The following NKTR variants were observed in gnomAD, a reference collection of about 807,000 sequenced individuals.
The protein encoded by NKTR is NK-tumor recognition protein.
Under a neutral mutation model 156.3 loss-of-function variants are expected in NKTR, and 67 were observed. That is an observed-to-expected ratio of 0.43 (90% CI 0.35 to 0.53). The LOEUF (loss-of-function observed/expected upper bound fraction) is 0.53. Ranked by LOEUF, NKTR falls within the 20% of genes least tolerant of loss-of-function variation. The probability of loss-of-function intolerance (pLI) is 0.01; values close to 1 mark genes in which losing one functional copy is unlikely to be tolerated. For synonymous variants in NKTR, 640 were observed against 596.6 expected, an observed-to-expected ratio of 1.07 and a Z score of -1.06; for missense variants, 1,604 against 1,730.9, an observed-to-expected ratio of 0.93 and a Z score of 1.30.
In NKTR at chr3:42,637,506, T is replaced by C. The variant is rs781548263; in HGVS notation, c.1802T>C (p.Val601Ala). ...GAAAATGTAGTAGTACAACCAGTTG[T>C]AGCAGAAAATATTCCTGTAATACCA... ...QNENVVVQPV[V>A]AENIPVIPLS... The change falls in exon 13 of 17, where the codon GTA (valine) becomes GCA (alanine). Residue 601 changes from valine (V) to alanine (A), a missense_variant. Around this residue, in one of 6 missense-constraint regions of NKTR, gnomAD observed 1,255 missense variants for 1,243.7 expected, o/e 1.01. Coordinates refer to ENST00000232978, the MANE Select transcript of NKTR (RefSeq NM_005385.4). 65 of 1,613,930 alleles carry C rather than the reference T, an allele frequency of 4.0e-5. No individual in the cohort carries two copies. The highest frequency in any genetic ancestry group is 5.3e-5 in the Non-Finnish European group (62 of 1,180,024).
chr3:42,610,400 G>A (rs1706671570), intron 2 of NKTR, among the ~76,000 whole-genome samples: 1 of 152,138 alleles, frequency 6.6e-6, no homozygotes, highest in Admixed American at 6.5e-5. Flanking sequence ...TAATGCTACA[G>A]GAGTGTTTCA....
intron 5 of NKTR, chr3:42,620,404 C>T (rs1577480262): frequency 9.9e-7 from 1 of 1,014,898 alleles, no homozygotes; most frequent in Non-Finnish European, 1.2e-6. Flanking sequence ...CTAACTATTG[C>T]ACTTGCCCCA....
chr3:42,638,444 G>C lies in NKTR; in HGVS notation c.2740G>C (p.Ala914Pro). 6.2e-7 allele frequency: 1 copy of C among 1,612,512 alleles called. No homozygotes were observed. Among genetic ancestry groups the C allele is most frequent in the South Asian group, 1.1e-5 (1 of 90,676 alleles). The change falls in exon 13 of 17, where the codon GCC (alanine) becomes CCC (proline). Residue 914 changes from alanine (A) to proline (P), a missense_variant. By Grantham distance (27) the Ala-to-Pro change is conservative. Around this residue, in one of 6 missense-constraint regions of NKTR, gnomAD observed 1,255 missense variants for 1,243.7 expected, o/e 1.01. Transcript: ENST00000232978. ...ATCCTCTGACAAGGAAGAAGGTGAG[G>C]CCACATCCGATTCTGAATCAGAGGT... ...HPSSDKEEGEATSDSESEVSE... is the reference protein window; with the variant it reads ...HPSSDKEEGEPTSDSESEVSE...
intron 6 of NKTR, chr3:42,628,160 T>A: frequency 1.5e-5 from 15 of 985,198 alleles, no homozygotes; most frequent in South Asian, 4.7e-5. Context: ...TCTAATCCAA[T>A]TAAAGTGCAG....
chr3:42,633,185 G>T (rs1577541450), intron 9 of NKTR: 3 of 412,216 alleles, frequency 7.3e-6, no homozygotes, highest in African/African-American at 2.1e-5. Context: ...GACTACGGGC[G>T]TATACCACTA....
At chr3:42,632,465 G>GA in intron 8 of NKTR, 136 bp from the exon 9 acceptor site, 1 of 593,218 alleles carries the variant, frequency 1.7e-6, no homozygotes, top group Non-Finnish European at 3.0e-6. Context: ...TTATAAACTT[G>GA]AAAAAAACTG....
At chr3:42,617,736 C>T (rs1181062013) in intron 3 of NKTR, 92 bp downstream of exon 3, 8 of 612,234 alleles carry the variant, frequency 1.3e-5, no homozygotes, top group South Asian at 2.1e-5. Flanking sequence ...ATAATGGACT[C>T]GTGAAATTAG....
At chr3:42,640,406 A>C (rs1709784207) in intron 13 of NKTR, among the ~76,000 whole-genome samples, 1 of 152,246 alleles carries the variant, frequency 6.6e-6, no homozygotes, top group African/African-American at 2.4e-5. Flanking sequence ...TGTGATGGTA[A>C]TAGGAAGTTA....
chr3:42,621,363 T>C, intron 5 of NKTR, 66 bp from the exon 6 acceptor site: 1 of 1,545,626 alleles, frequency 6.5e-7, no homozygotes. Context: ...TTCTATTTAT[T>C]ACTTGAACAT....
Position 42,646,321 on chromosome 3 carries a change from G to T in NKTR, c.*346G>T, listed in dbSNP as rs543450260. The T allele has an allele frequency of 4.8e-6, 1 of 209,116 alleles. No homozygotes were observed. Among genetic ancestry groups the T allele is most frequent in the Non-Finnish European group, 9.9e-6 (1 of 101,028 alleles). The allele number at this position is 209,116 out of a possible 1,614,324, so 13.0% of individuals were successfully genotyped here. A position where few individuals can be genotyped will look rare whatever the true frequency, so the allele number is the denominator to read the frequency against. ...CTTAGAATACAGATTCTTTTTGCCTGTTTTTCCAGTTTTAGCATATATGCT... is the reference window on the plus strand; with the variant it reads ...CTTAGAATACAGATTCTTTTTGCCTTTTTTTCCAGTTTTAGCATATATGCT... On this transcript the variant is annotated 3_prime_UTR_variant, in exon 17 of 17. Coordinates refer to ENST00000232978, the MANE Select transcript of NKTR (RefSeq NM_005385.4).
At chr3:42,613,828 G>A (rs1216712745) in intron 2 of NKTR, among the ~76,000 whole-genome samples, 1 of 152,036 alleles carries the variant, frequency 6.6e-6, no homozygotes, top group Admixed American at 6.6e-5. Context: ...TCTGCATGTT[G>A]GTATTTTCGG....
intron 13 of NKTR, 94 bp from the exon 14 acceptor site, chr3:42,642,404 CTTG>C (rs1709963045): frequency 2.3e-6 from 2 of 860,002 alleles, no homozygotes; most frequent in Non-Finnish European, 3.8e-6. Flanking sequence ...GGCCTTTCTT[CTTG>C]TTGTGTTTTC....
Position 42,600,969 on chromosome 3 carries a change from C to A in NKTR, c.-23-15C>A. 2.0e-6 allele frequency: 3 copies of A among 1,505,716 alleles called. No individual in the cohort carries two copies. Among genetic ancestry groups the A allele is most frequent in the Non-Finnish European group, 2.7e-6 (3 of 1,122,164 alleles). 93.3% of individuals were successfully genotyped at this position (1,505,716 alleles called of 1,614,324 possible). A position where few individuals can be genotyped will look rare whatever the true frequency, so the allele number is the denominator to read the frequency against. On this transcript the variant is annotated splice_polypyrimidine_tract_variant and intron_variant, in intron 1 of 16. Transcript: ENST00000232978. The stretch of plus-strand genomic sequence containing the variant: ...TCGCCCCTGCCCTGACCGCTTTTCT[C>A]CCCCTCTCTCCCAGCTCTTGCCGCC...
At chr3:42,631,013 A>T in intron 7 of NKTR, 158 bp from the exon 8 acceptor site, 1 of 1,415,686 alleles carries the variant, frequency 7.1e-7, no homozygotes, top group African/African-American at 1.4e-5. Context: ...TATGAAGCAG[A>T]TTTCAAGTTC....
rs1410263738 is a variant in NKTR, at chr3:42,630,326, G to T, written c.375-220G>T. ...TGCATACATATAGTCTAATAGAGAT[G>T]ATTGTAATTCATTATAATCTTGAGT... On this transcript the variant is annotated intron_variant, in intron 6 of 16. Coordinates refer to ENST00000232978, the MANE Select transcript of NKTR (RefSeq NM_005385.4). The T allele has an allele frequency of 6.5e-6, 9 of 1,376,402 alleles. No homozygotes were observed. The Admixed American group carries it at 1.3e-4, about 20-fold the overall frequency. 85.3% of individuals were successfully genotyped at this position (1,376,402 alleles called of 1,614,324 possible). A position where few individuals can be genotyped will look rare whatever the true frequency, so the allele number is the denominator to read the frequency against.
At chr3:42,643,759 G>A (rs1243231294) in intron 15 of NKTR, 143 bp from the exon 16 acceptor site, 1 of 688,010 alleles carries the variant, frequency 1.5e-6, no homozygotes, top group South Asian at 1.6e-5. Flanking sequence ...AATGTTTCCA[G>A]TACTTGTTTT....
At chr3:42,626,716 T>C (rs1304642267) in intron 6 of NKTR, among the ~76,000 whole-genome samples, 1 of 152,138 alleles carries the variant, frequency 6.6e-6, no homozygotes, top group Admixed American at 6.6e-5. Flanking sequence ...TTTAATTATT[T>C]GATGTGAATT....
At chr3:42,621,312 A>G in intron 5 of NKTR, 117 bp from the exon 6 acceptor site, 5 of 1,356,114 alleles carry the variant, frequency 3.7e-6, no homozygotes, top group Non-Finnish European at 4.7e-6. Flanking sequence ...TGTTCAGTCA[A>G]GTTATCTGTA....
chr3:42,619,582 C>T (rs774783003), intron 4 of NKTR, 82 bp from the exon 5 acceptor site: 86 of 1,582,276 alleles, frequency 5.4e-5, no homozygotes, highest in Non-Finnish European at 6.8e-5. Flanking sequence ...TTTCCTTCAG[C>T]GAATTGAAGC....
Sources: allele counts gnomAD v4.1 joint callset (sites outside exome capture counted in the v4.1 genomes callset), GRCh38; gene constraint gnomAD v4.1.1; regional missense constraint gnomAD v4.1.1; transcripts MANE v1.5; gene names NCBI Gene and HGNC (gene_info 2026-07-23, HGNC 2026-07-21).